The following UGT2B15 variants were observed in gnomAD, a reference collection of about 807,000 sequenced individuals.
UGT2B15 encodes the protein UDP-glucuronosyltransferase 2B15.
A neutral mutation model predicts 45.9 loss-of-function variants in UGT2B15; 36 were observed. That is an observed-to-expected ratio of 0.78 (90% CI 0.60 to 1.04). The LOEUF (loss-of-function observed/expected upper bound fraction) is 1.04, where lower values mean the gene tolerates loss of function less well. Among genes scored for constraint, UGT2B15 ranks in the 50% least tolerant of loss-of-function variants. UGT2B15 has a pLI of 0.00. For synonymous variants in UGT2B15, 219 were observed against 216.4 expected (o/e 1.01, Z -0.11); for missense variants, 617 against 622.4 (o/e 0.99, Z 0.09).
At chr4:68,658,520 G>A (rs1732873771) in intron 3 of UGT2B15, among the ~76,000 whole-genome samples, 1 of 151,886 alleles carries the variant, frequency 6.6e-6, no homozygotes, top group Non-Finnish European at 1.5e-5. Flanking sequence ...TTGACATAAG[G>A]GTTACAAAAC....
At position 68,646,737 on chromosome 4, in the gene UGT2B15, T is replaced by C. The variant is rs1264069844; in HGVS notation, c.*367A>G. The C allele has an allele frequency of 6.4e-6, 1 of 157,458 alleles. No individual in the cohort carries two copies. The highest frequency in any genetic ancestry group is 1.4e-5 in the Non-Finnish European group (1 of 71,970). The allele number at this position is 157,458 out of a possible 1,614,324, so 9.8% of individuals were successfully genotyped here. ...TTAAAAAAAAGAGTTGTATTTTTTT[T>C]TTTTGCTTTTTTTAAATTATACTTT... On this transcript the variant is annotated 3_prime_UTR_variant, in exon 6 of 6. Transcript: ENST00000338206.
At chr4:68,648,488 T>C (rs1247771242) in intron 5 of UGT2B15, among the ~76,000 whole-genome samples, 1 of 152,140 alleles carries the variant, frequency 6.6e-6, no homozygotes. Flanking sequence ...GGCCACACTA[T>C]AGGCACCCAT....
At position 68,655,143 on chromosome 4, in the gene UGT2B15, C is replaced by T. The variant is rs756476575; in HGVS notation, c.1045G>A (p.Gly349Ser). ...RFDGKKPNTL[G>S]SNTRLYKWLP... ...CACTTGTACAGTCGAGTATTGGAAC[C>T]TAAAGTATTTGGCTTCTTGCCATCA... Residue 349 changes from glycine (G) to serine (S), a missense_variant, in exon 4 of 6, where the codon GGT becomes AGT. Coordinates refer to ENST00000338206, the MANE Select transcript of UGT2B15 (RefSeq NM_001076.4). 3.7e-6 allele frequency: 6 copies of T among 1,613,318 alleles called. No individual in the cohort carries two copies. Among genetic ancestry groups the T allele is most frequent in the Non-Finnish European group, 5.1e-6 (6 of 1,179,580 alleles).
chr4:68,666,756 T>A (rs71615077), intron 2 of UGT2B15, among the ~76,000 whole-genome samples: 3,517 of 145,344 alleles, frequency 0.024, 65 homozygotes, highest in South Asian at 0.039. Flanking sequence ...ATATATATTT[T>A]TTTTTTTTGA....
chr4:68,661,238 C>T (rs903930106), intron 3 of UGT2B15, among the ~76,000 whole-genome samples: 8 of 151,940 alleles, frequency 5.3e-5, no homozygotes, highest in African/African-American at 1.9e-4. Context: ...TCAAAGTCAC[C>T]CCTCTGCTCA....
intron 5 of UGT2B15, among the ~76,000 whole-genome samples, chr4:68,650,272 C>A (rs2109819097): frequency 6.6e-6 from 1 of 151,590 alleles, no homozygotes; most frequent in South Asian, 2.1e-4. Flanking sequence ...GATTTTAAGC[C>A]CCTCATGTAT....
At chr4:68,667,783 T>C (rs1170113219) in intron 2 of UGT2B15, among the ~76,000 whole-genome samples, 2 of 152,208 alleles carry the variant, frequency 1.3e-5, no homozygotes, top group Non-Finnish European at 2.9e-5. Flanking sequence ...AATCATACTA[T>C]CTTTTGGGTG....
intron 2 of UGT2B15, among the ~76,000 whole-genome samples, chr4:68,664,340 T>A (rs534298255): frequency 6.6e-6 from 1 of 151,462 alleles, no homozygotes; most frequent in Non-Finnish European, 1.5e-5. Context: ...CATATCAAAA[T>A]TGTATACTCA....
chr4:68,668,269 G>A lies in UGT2B15; in HGVS notation c.725-81C>T, dbSNP rs1733201877. The A allele has an allele frequency of 3.8e-6, 6 of 1,591,332 alleles. No individual in the cohort carries two copies. The African/African-American group carries it at 5.4e-5, about 14-fold the overall frequency. On this transcript the variant is annotated intron_variant, in intron 1 of 5. Coordinates refer to ENST00000338206, the MANE Select transcript of UGT2B15 (RefSeq NM_001076.4). ...GAATATGCAGGTATTTTCCTGAAAG[G>A]ACTTGGAATAACATACCCAAACATA...
At chr4:68,665,988 G>A (rs1196618394) in intron 2 of UGT2B15, among the ~76,000 whole-genome samples, 1 of 152,052 alleles carries the variant, frequency 6.6e-6, no homozygotes, top group Non-Finnish European at 1.5e-5. Context: ...GGGGGTGGAG[G>A]TTTCAGTGAG....
intron 5 of UGT2B15, among the ~76,000 whole-genome samples, chr4:68,651,866 T>G (rs6838785): frequency 0.88 from 132,984 of 151,948 alleles, 59,442 homozygotes; most frequent in Non-Finnish European, 0.97. Flanking sequence ...CTCTTTTTTG[T>G]TTCCATATGA....
intron 2 of UGT2B15, among the ~76,000 whole-genome samples, chr4:68,663,419 G>A (rs1160347421): frequency 6.6e-6 from 1 of 152,058 alleles, no homozygotes; most frequent in East Asian, 1.9e-4. Flanking sequence ...AGGAGATAAT[G>A]CTAGAAAATG....
chr4:68,657,304 A>T (rs1016870191), intron 3 of UGT2B15, among the ~76,000 whole-genome samples: 4 of 152,138 alleles, frequency 2.6e-5, no homozygotes, highest in Non-Finnish European at 5.9e-5. Context: ...TTAACTTTTA[A>T]AAAAAGGCTA....
Position 68,647,098 on chromosome 4 carries a change from A to T in UGT2B15, c.*6T>A. 6.2e-7 allele frequency: 1 copy of T among 1,609,870 alleles called. No homozygotes were observed. Among genetic ancestry groups the T allele is most frequent in the South Asian group, 1.1e-5 (1 of 90,610 alleles). On this transcript the variant is annotated 3_prime_UTR_variant, in exon 6 of 6. Transcript: ENST00000338206. ...TCAGTCATTCCACTTCAGGCTTTTG[A>T]TATAACTAATCTCTTTTCTTCTTCT...
chr4:68,650,886 T>C (rs1359214988), intron 5 of UGT2B15, among the ~76,000 whole-genome samples: 1 of 152,086 alleles, frequency 6.6e-6, no homozygotes, highest in Non-Finnish European at 1.5e-5. Flanking sequence ...GATTTGCATT[T>C]CTCTAATGAT....
chr4:68,657,423 A>AGTGGT (rs1732839760), intron 3 of UGT2B15, among the ~76,000 whole-genome samples: 2 of 152,192 alleles, frequency 1.3e-5, no homozygotes, highest in African/African-American at 4.8e-5. Flanking sequence ...GAAACAACTC[A>AGTGGT]GTGGTGACAC....
In UGT2B15 at chr4:68,654,064, G is replaced by A. The variant is rs757274679; in HGVS notation, c.1286C>T (p.Ala429Val). The A allele has an allele frequency of 6.2e-6, 10 of 1,613,330 alleles. No individual in the cohort carries two copies. Among genetic ancestry groups the A allele is most frequent in the Middle Eastern group, 1.6e-4 (1 of 6,074 alleles). The change falls in exon 5 of 6, where the codon GCA becomes GTA. Residue 429 changes from alanine to valine, a missense_variant. Coordinates refer to ENST00000338206, the MANE Select transcript of UGT2B15 (RefSeq NM_001076.4). ...AGGGTCATTAATGACTGACTTCAATGCATTGAGCAAATCTCTACTTGACAT... is the reference window on the plus strand; with the variant it reads ...AGGGTCATTAATGACTGACTTCAATACATTGAGCAAATCTCTACTTGACAT... Reference protein sequence around the residue: ...RTMSSRDLLNALKSVINDPVY... With the variant: ...RTMSSRDLLNVLKSVINDPVY...
At chr4:68,655,323 G>T in intron 3 of UGT2B15, 141 bp from the exon 4 acceptor site, 2 of 1,081,980 alleles carry the variant, frequency 1.8e-6, no homozygotes, top group Non-Finnish European at 1.3e-6. Flanking sequence ...CAAGTAATGA[G>T]AACTACTAAA....
chr4:68,667,183 G>A (rs1157218031), intron 2 of UGT2B15, among the ~76,000 whole-genome samples: 1 of 149,414 alleles, frequency 6.7e-6, no homozygotes, highest in Non-Finnish European at 1.5e-5. Flanking sequence ...TTGTTTTTGA[G>A]ACAGAGTCTC....
Sources: gnomAD v4.1 joint callset for allele counts (sites outside exome capture counted in the v4.1 genomes callset) on GRCh38, gnomAD v4.1.1 for gene constraint, MANE v1.5 for transcripts, NCBI Gene and HGNC (gene_info 2026-07-23, HGNC 2026-07-21) for gene names.